The following PSEN1 variants were observed in gnomAD, a reference collection of about 807,000 sequenced individuals.
PSEN1 encodes presenilin 1, also known as presenilin-1.
Under a neutral mutation model 53.5 loss-of-function variants are expected in PSEN1, and 15 were observed. That is an observed-to-expected ratio of 0.28 (90% confidence interval 0.19 to 0.43). The LOEUF is 0.43. PSEN1 is among the 20% of genes least tolerant of loss of function. PSEN1 has a pLI of 1.00. For missense variants in PSEN1, 387 were observed against 571.2 expected, an observed-to-expected ratio of 0.68 and a Z score of 3.29; for synonymous variants, 208 against 209.8, an observed-to-expected ratio of 0.99 and a Z score of 0.08.
Position 73,173,671 on chromosome 14 carries a change from C to A in PSEN1, c.444C>A (p.Ile148=), listed in dbSNP as rs767054124. Residue 148 remains isoleucine (I), a synonymous_variant, in exon 5 of 12, where the codon ATC becomes ATA. Coordinates refer to ENST00000324501, the MANE Select transcript of PSEN1 (RefSeq NM_000021.4). ...IMISVIVVMT[I]LLVVLYKYRC... The stretch of plus-strand genomic sequence containing the variant: ...TCAGTGTCATTGTTGTCATGACTAT[C>A]CTCCTGGTGGTTCTGTATAAATACA... 3 of 1,614,038 alleles carry A rather than the reference C, an allele frequency of 1.9e-6. No individual in the cohort carries two copies. The South Asian group carries it at 3.3e-5, about 18-fold the overall frequency.
At chr14:73,146,096 A>G (rs1897062260) in intron 1 of PSEN1, 1 of 151,940 alleles carries the variant, frequency 6.6e-6, no homozygotes, top group East Asian at 1.9e-4. Context: ...ACAGAGCAAG[A>G]CTGTGTCTCA....
intron 3 of PSEN1, 49 bp from the exon 4 acceptor site, chr14:73,170,748 A>T: frequency 6.2e-7 from 1 of 1,607,034 alleles, no homozygotes; most frequent in Non-Finnish European, 8.5e-7. Flanking sequence ...CGTTACCTTG[A>T]TTCTGCTGAG....
intron 10 of PSEN1, among the ~76,000 whole-genome samples, chr14:73,215,122 G>A (rs1281603246): frequency 2.0e-5 from 3 of 151,740 alleles, no homozygotes; most frequent in African/African-American, 4.8e-5. Flanking sequence ...CACCATACCC[G>A]GCTAATTTTT....
At chr14:73,195,281 T>C (rs1898894880) in intron 7 of PSEN1, among the ~76,000 whole-genome samples, 1 of 152,174 alleles carries the variant, frequency 6.6e-6, no homozygotes, top group African/African-American at 2.4e-5. Context: ...CAAGCGATTC[T>C]CCTGCCTCAG....
At chr14:73,212,039 C>CTAA (rs1899710371) in intron 10 of PSEN1, 97 bp downstream of exon 10, 1 of 784,074 alleles carries the variant, frequency 1.3e-6, no homozygotes, top group Admixed American at 2.5e-5. Context: ...GTGTTACAGT[C>CTAA]TAATTCTATA....
Position 73,220,142 on chromosome 14 carries a change from C to T in PSEN1, c.*853C>T, listed in dbSNP as rs1194308684. The T allele has an allele frequency of 2.0e-5, 3 of 152,266 alleles. No homozygotes were observed. Among genetic ancestry groups the T allele is most frequent in the Admixed American group, 6.5e-5 (1 of 15,286 alleles). The allele number at this position is 152,266 out of a possible 1,614,324, so 9.4% of individuals were successfully genotyped here. ...ACCAAATTCTGAATTTGTAGACATA[C>T]TTGTACGCTCACTTGCCCCAGATGC... On this transcript the variant is annotated 3_prime_UTR_variant, in exon 12 of 12. Transcript: ENST00000324501.
rs80255040 is a variant in PSEN1, at chr14:73,188,378, G to A, written c.548+1458G>A. On this transcript the variant is annotated intron_variant, in intron 6 of 11. Coordinates refer to ENST00000324501, the MANE Select transcript of PSEN1 (RefSeq NM_000021.4). ...TTCCTTAATAAATAGACGGGGTCGGGTGTGGTGGCTCATGTTTATAATCTC... is the reference window on the plus strand; with the variant it reads ...TTCCTTAATAAATAGACGGGGTCGGATGTGGTGGCTCATGTTTATAATCTC... Among the ~76,000 whole-genome samples the A allele has an allele frequency of 2.4e-3, 359 of 152,274 alleles. 5 individuals are homozygous for A. In the East Asian group the frequency reaches 0.058, roughly 24 times the overall value.
chr14:73,146,146 A>G (rs1188367608), intron 1 of PSEN1: 2 of 150,762 alleles, frequency 1.3e-5, no homozygotes, highest in Non-Finnish European at 3.0e-5. Flanking sequence ...ACTCTTAAGT[A>G]TAGGTTAAAT....
At chr14:73,156,559 A>C (rs74820432) in intron 3 of PSEN1, among the ~76,000 whole-genome samples, 2,444 of 152,148 alleles carry the variant, frequency 0.016, 48 homozygotes, top group East Asian at 0.049. Context: ...AGATGAAACA[A>C]GATTAGCATG....
rs362378 is a variant in PSEN1 at position 73,212,509 on chromosome 14, A to G, written c.1129+567A>G. Among the ~76,000 whole-genome samples, 46 of 152,306 alleles carry G rather than the reference A, an allele frequency of 3.0e-4. 1 individual carries two copies. In the East Asian group the frequency reaches 8.3e-3, roughly 27 times the overall value. On this transcript the variant is annotated intron_variant, in intron 10 of 11. Coordinates refer to ENST00000324501, the MANE Select transcript of PSEN1 (RefSeq NM_000021.4). ...TTTTTAATTGTTCCAGTAAGCCTTC[A>G]TGGCCGTAATACATTTGTCTACAAA...
At chr14:73,161,962 C>A (rs1202689417) in intron 3 of PSEN1, among the ~76,000 whole-genome samples, 1 of 145,670 alleles carries the variant, frequency 6.9e-6, no homozygotes, top group Non-Finnish European at 1.5e-5. Flanking sequence ...TGAGACCAGC[C>A]TGGCTAACAT....
intron 1 of PSEN1, among the ~76,000 whole-genome samples, chr14:73,143,101 T>C (rs1224495940): frequency 2.0e-5 from 3 of 152,232 alleles, no homozygotes; most frequent in Non-Finnish European, 4.4e-5. Flanking sequence ...CCACGCTGCC[T>C]GAACAGTGGG....
intron 3 of PSEN1, among the ~76,000 whole-genome samples, chr14:73,151,353 A>T (rs538871034): frequency 6.6e-6 from 1 of 152,262 alleles, no homozygotes; most frequent in Admixed American, 6.5e-5. Context: ...TTTCTCAAAG[A>T]TAGTTGCTGT....
intron 1 of PSEN1, among the ~76,000 whole-genome samples, chr14:73,143,745 G>A (rs1896989622): frequency 6.6e-6 from 1 of 151,984 alleles, no homozygotes; most frequent in African/African-American, 2.4e-5. Flanking sequence ...GGCTGCAGTG[G>A]CTCAGGCCTG....
chr14:73,148,150 A>C (rs746638387), intron 3 of PSEN1, 44 bp downstream of exon 3: 2 of 1,430,770 alleles, frequency 1.4e-6, no homozygotes, highest in Non-Finnish European at 2.0e-6. Flanking sequence ...GACTGGATTC[A>C]CTTATCATCT....
In PSEN1 at chr14:73,157,500, C is replaced by G. The variant is rs143702018; in HGVS notation, c.87+9394C>G. Among the ~76,000 whole-genome samples the G allele has an allele frequency of 3.1e-3, 479 of 152,168 alleles. 2 individuals are homozygous for G. Among genetic ancestry groups the G allele is most frequent in the African/African-American group, 8.7e-3 (363 of 41,506 alleles). ...GTATAATTGACGTAAAATGTACATA[C>G]TTAAAGTATACAGTGTGATGTTTTG... On this transcript the variant is annotated intron_variant, in intron 3 of 11. Coordinates refer to ENST00000324501, the MANE Select transcript of PSEN1 (RefSeq NM_000021.4).
At chr14:73,145,808 TA>T (rs992164946) in intron 1 of PSEN1, among the ~76,000 whole-genome samples, 1 of 152,108 alleles carries the variant, frequency 6.6e-6, no homozygotes, top group African/African-American at 2.4e-5. Flanking sequence ...TTGTCCATAT[TA>T]AAAGACAGGA....
rs561932540 is a variant in PSEN1, at chr14:73,222,817, C to G, written c.*3528C>G. On this transcript the variant is annotated 3_prime_UTR_variant, in exon 12 of 12. Coordinates refer to ENST00000324501, the MANE Select transcript of PSEN1 (RefSeq NM_000021.4). ...GACTTGATTCAGAAATCAATCCATT[C>G]AGTAAAGTACTCCTTCTCTAAATTT... The G allele has an allele frequency of 6.6e-6, 1 of 152,340 alleles. No individual in the cohort carries two copies. Among genetic ancestry groups the G allele is most frequent in the South Asian group, 2.1e-4 (1 of 4,834 alleles). The allele number at this position is 152,340 out of a possible 1,614,324, so 9.4% of individuals were successfully genotyped here.
At chr14:73,198,531 G>T (rs1899049948) in intron 8 of PSEN1, among the ~76,000 whole-genome samples, 1 of 152,116 alleles carries the variant, frequency 6.6e-6, no homozygotes, top group African/African-American at 2.4e-5. Context: ...TAAGCTGGCA[G>T]CACTGTGTGA....
Sources: gnomAD v4.1 joint callset for allele counts (sites outside exome capture counted in the v4.1 genomes callset) on GRCh38, gnomAD v4.1.1 for gene constraint, MANE v1.5 for transcripts, NCBI Gene and HGNC (gene_info 2026-07-23, HGNC 2026-07-21) for gene names.